Variants in GPC6 observed in about 807,000 individuals in gnomAD.
GPC6 encodes glypican-6.
In GPC6, 14 loss-of-function variants were observed where a neutral mutation model predicts 55.2. The observed-to-expected ratio is 0.25, with a 90% CI of 0.17 to 0.40. The LOEUF (loss-of-function observed/expected upper bound fraction) is 0.40. Among genes scored for constraint, GPC6 ranks in the 10% least tolerant of loss-of-function variants. GPC6 has a pLI of 1.00. For synonymous variants in GPC6, 278 were observed against 259.6 expected (o/e 1.07, Z -0.68); for missense variants, 641 against 708.5 (o/e 0.90, Z 1.08).
At chr13:93,884,976 G>A (rs1875234012) in intron 3 of GPC6, among the ~76,000 whole-genome samples, 1 of 152,002 alleles carries the variant, frequency 6.6e-6, no homozygotes, top group African/African-American at 2.4e-5. Context: ...CTTGTTTGGG[G>A]CTTCAAAGAA....
At chr13:93,460,816 T>A (rs886243334) in intron 1 of GPC6, among the ~76,000 whole-genome samples, 2 of 152,184 alleles carry the variant, frequency 1.3e-5, no homozygotes, top group Non-Finnish European at 2.9e-5. Flanking sequence ...TGCAATTGAT[T>A]ATTAGTGTTA....
chr13:93,311,363 A>G (rs547600181), intron 1 of GPC6, among the ~76,000 whole-genome samples: 1 of 152,276 alleles, frequency 6.6e-6, no homozygotes, highest in East Asian at 1.9e-4. Context: ...TATAGCTGGC[A>G]TTCAGTTTCT....
intron 4 of GPC6, among the ~76,000 whole-genome samples, chr13:94,213,740 G>T (rs145745310): frequency 6.6e-6 from 1 of 152,230 alleles, no homozygotes; most frequent in Non-Finnish European, 1.5e-5. Flanking sequence ...ATTTGGAATT[G>T]GATGACATCA....
intron 1 of GPC6, among the ~76,000 whole-genome samples, chr13:93,467,706 T>G (rs1878963104): frequency 6.7e-6 from 1 of 149,396 alleles, no homozygotes; most frequent in East Asian, 2.0e-4. Flanking sequence ...CACTTCAGCC[T>G]CCTAAGTTGT....
intron 6 of GPC6, among the ~76,000 whole-genome samples, chr13:94,333,549 C>T (rs1877532727): frequency 6.6e-6 from 1 of 152,118 alleles, no homozygotes; most frequent in Non-Finnish European, 1.5e-5. Flanking sequence ...GTACATTTTC[C>T]TGAGAACTTA....
intron 2 of GPC6, among the ~76,000 whole-genome samples, chr13:93,782,609 T>G (rs896402823): frequency 1.3e-5 from 2 of 152,172 alleles, no homozygotes; most frequent in African/African-American, 4.8e-5. Flanking sequence ...TCTTTTGATT[T>G]GATAACAGTC....
intron 2 of GPC6, among the ~76,000 whole-genome samples, chr13:93,666,326 G>T (rs1881134141): frequency 6.6e-6 from 1 of 151,096 alleles, no homozygotes; most frequent in African/African-American, 2.4e-5. Flanking sequence ...CTTTAAATTT[G>T]ATTTTCAATT....
At chr13:93,459,007 G>A (rs527761980) in intron 1 of GPC6, among the ~76,000 whole-genome samples, 7 of 152,222 alleles carry the variant, frequency 4.6e-5, no homozygotes, top group African/African-American at 1.7e-4. Flanking sequence ...TAATGGAGAC[G>A]TTCTTCATAT....
At chr13:93,437,912 C>T (rs1271831324) in intron 1 of GPC6, among the ~76,000 whole-genome samples, 1 of 152,110 alleles carries the variant, frequency 6.6e-6, no homozygotes, top group African/African-American at 2.4e-5. Flanking sequence ...GACAGGCTGA[C>T]TCATTTGTTA....
At chr13:94,391,075 A>G (rs181038722) in intron 7 of GPC6, among the ~76,000 whole-genome samples, 1 of 152,292 alleles carries the variant, frequency 6.6e-6, no homozygotes, top group Admixed American at 6.5e-5. Context: ...TAAGAGGCCA[A>G]GTCAAAGAAT....
intron 4 of GPC6, among the ~76,000 whole-genome samples, chr13:94,198,771 C>G (rs1169221603): frequency 6.6e-6 from 1 of 152,184 alleles, no homozygotes; most frequent in Non-Finnish European, 1.5e-5. Context: ...TTTCACTGCT[C>G]TGACAAGTTA....
intron 4 of GPC6, among the ~76,000 whole-genome samples, chr13:94,099,458 T>A (rs1462067823): frequency 6.6e-6 from 1 of 152,134 alleles, no homozygotes; most frequent in Non-Finnish European, 1.5e-5. Context: ...TGAAGGTGTA[T>A]ATAGGAGACT....
chr13:94,084,618 G>A (rs71432026), intron 4 of GPC6, among the ~76,000 whole-genome samples: 48,092 of 83,602 alleles, frequency 0.58, 9,019 homozygotes, highest in Middle Eastern at 0.65. Flanking sequence ...ATACATGGAG[G>A]CAATTTGTTT....
chr13:93,992,079 T>C (rs1881335556), intron 3 of GPC6, among the ~76,000 whole-genome samples: 2 of 151,644 alleles, frequency 1.3e-5, no homozygotes, highest in South Asian at 4.2e-4. Flanking sequence ...ACATACATAG[T>C]TTACATAATT....
At chr13:93,649,915 A>G (rs906664399) in intron 2 of GPC6, among the ~76,000 whole-genome samples, 7 of 152,212 alleles carry the variant, frequency 4.6e-5, no homozygotes, top group African/African-American at 2.4e-5. Flanking sequence ...AGAACTACAT[A>G]TAGTTCTGGT....
intron 2 of GPC6, among the ~76,000 whole-genome samples, chr13:93,781,549 A>C (rs1885651722): frequency 6.6e-6 from 1 of 152,136 alleles, no homozygotes; most frequent in Non-Finnish European, 1.5e-5. Flanking sequence ...CCCTGTCAGA[A>C]GCATTTCAAA....
chr13:93,384,747 A>G (rs1000723180), intron 1 of GPC6, among the ~76,000 whole-genome samples: 1 of 152,238 alleles, frequency 6.6e-6, no homozygotes, highest in Non-Finnish European at 1.5e-5. Context: ...GTCTATGAAC[A>G]CTTTCATGCC....
At chr13:94,014,000 G>A (rs550643936) in intron 3 of GPC6, among the ~76,000 whole-genome samples, 5 of 152,234 alleles carry the variant, frequency 3.3e-5, no homozygotes, top group African/African-American at 1.2e-4. Context: ...TTAAAAATAG[G>A]CTGAATATTT....
At chr13:93,401,089 T>C (rs1876054236) in intron 1 of GPC6, among the ~76,000 whole-genome samples, 1 of 152,052 alleles carries the variant, frequency 6.6e-6, no homozygotes, top group African/African-American at 2.4e-5. Context: ...AAATCATATA[T>C]CACCTTTGTG....
Sources: allele counts gnomAD v4.1 joint callset (sites outside exome capture counted in the v4.1 genomes callset), GRCh38; gene constraint gnomAD v4.1.1; transcripts MANE v1.5; gene names NCBI Gene and HGNC (gene_info 2026-07-23, HGNC 2026-07-21).